ADGRL3: variants seen among roughly 807,000 people sequenced by gnomAD.
ADGRL3 encodes adhesion G protein-coupled receptor L3.
ADGRL3 carries 62 observed loss-of-function variants against 153.5 expected under a neutral mutation model. That is an observed-to-expected ratio of 0.40 (90% CI 0.33 to 0.50). The LOEUF (loss-of-function observed/expected upper bound fraction) is 0.50, where lower values mean the gene tolerates loss of function less well. ADGRL3 is among the 20% of genes least tolerant of loss of function. The pLI is 0.47. For synonymous variants in ADGRL3, 710 were observed against 672.5 expected (o/e 1.06, Z -0.86); for missense variants, 1,641 against 1,859.4 (o/e 0.88, Z 2.16).
intron 5 of ADGRL3, among the ~76,000 whole-genome samples, chr4:61,659,870 TG>T (rs2094542038): frequency 8.7e-6 from 1 of 114,946 alleles, no homozygotes; most frequent in South Asian, 3.0e-4. Context: ...CATGCTAGGC[TG>T]GGTCATGAAA....
intron 8 of ADGRL3, among the ~76,000 whole-genome samples, chr4:61,759,338 T>C (rs1353128455): frequency 3.3e-5 from 5 of 152,218 alleles, no homozygotes; most frequent in Admixed American, 3.3e-4. Context: ...TGTTTTCACA[T>C]AGTCCCATAT....
At chr4:61,576,427 T>C (rs1036734919) in intron 4 of ADGRL3, among the ~76,000 whole-genome samples, 1 of 151,458 alleles carries the variant, frequency 6.6e-6, no homozygotes, top group African/African-American at 2.4e-5. Context: ...TTAGAATTTA[T>C]GAACAAACAA....
chr4:62,045,470 TTTG>T (rs1730618244), intron 25 of ADGRL3, among the ~76,000 whole-genome samples: 2 of 152,020 alleles, frequency 1.3e-5, no homozygotes, highest in Admixed American at 6.6e-5. Context: ...GAATTATTAT[TTTG>T]TTTTTACCTT....
intron 17 of ADGRL3, among the ~76,000 whole-genome samples, chr4:61,952,472 C>T (rs2098950619): frequency 6.8e-6 from 1 of 146,400 alleles, no homozygotes; most frequent in Admixed American, 6.9e-5. Flanking sequence ...GAGTGAGACC[C>T]TGTCTCAAAA....
intron 25 of ADGRL3, among the ~76,000 whole-genome samples, chr4:62,059,065 C>A (rs986353473): frequency 4.6e-5 from 7 of 152,254 alleles, no homozygotes; most frequent in Admixed American, 3.3e-4. Flanking sequence ...GTCAGTGCTA[C>A]CATTCTACCT....
At chr4:61,470,826 G>T (rs2097941930) in intron 2 of ADGRL3, among the ~76,000 whole-genome samples, 1 of 151,776 alleles carries the variant, frequency 6.6e-6, no homozygotes, top group Non-Finnish European at 1.5e-5. Flanking sequence ...GGTTTTGAAA[G>T]ATTTTTTTCA....
chr4:61,367,019 G>A (rs1163237785), intron 1 of ADGRL3, among the ~76,000 whole-genome samples: 1 of 152,064 alleles, frequency 6.6e-6, no homozygotes, highest in East Asian at 1.9e-4. Context: ...TGTAAACAAT[G>A]TTCTTTTGAA....
At chr4:61,291,175 T>TACACACACACAC (rs68037459) in intron 1 of ADGRL3, among the ~76,000 whole-genome samples, 3 of 135,400 alleles carry the variant, frequency 2.2e-5, no homozygotes, top group Admixed American at 7.6e-5. Flanking sequence ...CCTGGATCAA[T>TACACACACACAC]ACACACACAC....
intron 6 of ADGRL3, among the ~76,000 whole-genome samples, chr4:61,724,313 C>T (rs369428277): frequency 7.9e-5 from 12 of 152,242 alleles, no homozygotes; most frequent in African/African-American, 2.9e-4. Context: ...AAAGAGTCTA[C>T]TAAGAGAGCT....
intron 1 of ADGRL3, among the ~76,000 whole-genome samples, chr4:61,272,907 A>C (rs2093271897): frequency 6.6e-6 from 1 of 152,234 alleles, no homozygotes; most frequent in African/African-American, 2.4e-5. Context: ...GGTATTCTGG[A>C]GAGGTGTAGG....
At chr4:61,954,989 G>A (rs896986455) in intron 17 of ADGRL3, among the ~76,000 whole-genome samples, 1 of 152,174 alleles carries the variant, frequency 6.6e-6, no homozygotes, top group Non-Finnish European at 1.5e-5. Context: ...AGGCAGACAA[G>A]AAAAGTAAAT....
intron 1 of ADGRL3, among the ~76,000 whole-genome samples, chr4:61,264,367 A>G (rs10517529): frequency 0.12 from 18,722 of 151,980 alleles, 1,253 homozygotes; most frequent in Middle Eastern, 0.18. Context: ...TGGAACCCCA[A>G]ATCGGCAAAC....
intron 6 of ADGRL3, among the ~76,000 whole-genome samples, chr4:61,680,130 T>C (rs1468565707): frequency 1.3e-5 from 2 of 152,036 alleles, no homozygotes; most frequent in Non-Finnish European, 2.9e-5. Context: ...GAGAAAATCC[T>C]TGTGCTTAAT....
At chr4:61,918,264 T>C (rs1187720033) in intron 13 of ADGRL3, among the ~76,000 whole-genome samples, 1 of 152,202 alleles carries the variant, frequency 6.6e-6, no homozygotes, top group African/African-American at 2.4e-5. Flanking sequence ...TCGTGGTTTG[T>C]TGAGATGGTC....
At chr4:61,945,942 G>A (rs996584267) in intron 15 of ADGRL3, among the ~76,000 whole-genome samples, 5 of 152,154 alleles carry the variant, frequency 3.3e-5, no homozygotes, top group Non-Finnish European at 4.4e-5. Context: ...GTTCCTATTC[G>A]GCCATCTTGG....
intron 1 of ADGRL3, among the ~76,000 whole-genome samples, chr4:61,227,774 T>A (rs1218126827): frequency 6.6e-6 from 1 of 152,202 alleles, no homozygotes; most frequent in African/African-American, 2.4e-5. Flanking sequence ...AGTCGACATA[T>A]GCTGCAATCT....
intron 19 of ADGRL3, among the ~76,000 whole-genome samples, chr4:61,985,958 C>T (rs1338932748): frequency 1.4e-5 from 2 of 146,094 alleles, no homozygotes; most frequent in South Asian, 2.1e-4. Context: ...CTAAAGATGT[C>T]TTAGGGGAGG....
At chr4:61,951,456 G>T (rs937734356) in intron 17 of ADGRL3, among the ~76,000 whole-genome samples, 2 of 152,088 alleles carry the variant, frequency 1.3e-5, no homozygotes, top group Non-Finnish European at 2.9e-5. Context: ...GATTCCATGG[G>T]CAACTAAGAA....
At chr4:61,901,476 AAATT>A (rs747683411) in intron 11 of ADGRL3, among the ~76,000 whole-genome samples, 6 of 152,228 alleles carry the variant, frequency 3.9e-5, no homozygotes, top group Non-Finnish European at 7.3e-5. Context: ...AAATGAAAAT[AAATT>A]GCTTCTTTAT....
Sources: allele counts gnomAD v4.1 joint callset (sites outside exome capture counted in the v4.1 genomes callset), GRCh38; gene constraint gnomAD v4.1.1; transcripts MANE v1.5; gene names NCBI Gene and HGNC (gene_info 2026-07-23, HGNC 2026-07-21).